Variants in DIP2C observed in about 807,000 individuals in gnomAD.
DIP2C encodes the protein disco-interacting protein 2 homolog C.
Under a neutral mutation model 192.4 loss-of-function variants are expected in DIP2C, and 33 were observed. The ratio of observed to expected loss-of-function variants is 0.17; its 90% confidence interval spans 0.13 to 0.23. DIP2C has a LOEUF of 0.23. Among genes scored for constraint, DIP2C ranks in the 10% least tolerant of loss-of-function variants. DIP2C has a pLI of 1.00. For missense variants in DIP2C, 1,537 were observed against 2,110.1 expected, an observed-to-expected ratio of 0.73 and a Z score of 5.32; for synonymous variants, 979 against 864.1, an observed-to-expected ratio of 1.13 and a Z score of -2.33.
chr10:373,526 AAG>A (rs764903210), intron 17 of DIP2C, among the ~76,000 whole-genome samples: 3 of 152,182 alleles, frequency 2.0e-5, no homozygotes, highest in Non-Finnish European at 4.4e-5. Context: ...GACATAATGT[AAG>A]AGTCTCAGAA....
Position 573,707 on chromosome 10 carries a change from CTT to C in DIP2C, c.86-87179_86-87178del, listed in dbSNP as rs574697446. 2.6e-5 allele frequency among the ~76,000 whole-genome samples: 4 copies of C among 151,008 alleles called. No individual in the cohort carries two copies. The South Asian group carries it at 6.3e-4, about 24-fold the overall frequency. ...TTACAGGCATGAGCCATCACGCCGG[CTT>C]TTTTTTTCCTCTTTTCTTTTTAAGT... On this transcript the variant is annotated intron_variant, in intron 1 of 36. Coordinates refer to ENST00000280886, the MANE Select transcript of DIP2C (RefSeq NM_014974.3).
At chr10:653,441 CTT>C (rs1466252976) in intron 1 of DIP2C, among the ~76,000 whole-genome samples, 1 of 152,152 alleles carries the variant, frequency 6.6e-6, no homozygotes, top group Admixed American at 6.5e-5. Flanking sequence ...GAGCGAGACT[CTT>C]GTTTCAAAAA....
At chr10:351,258 G>A (rs907932031) in intron 24 of DIP2C, among the ~76,000 whole-genome samples, 1 of 152,204 alleles carries the variant, frequency 6.6e-6, no homozygotes, top group African/African-American at 2.4e-5. Context: ...CAGCTCGAAG[G>A]GCCCGTGTCA....
At chr10:419,949 T>C (rs972449997) in intron 5 of DIP2C, among the ~76,000 whole-genome samples, 4 of 152,142 alleles carry the variant, frequency 2.6e-5, no homozygotes, top group African/African-American at 9.7e-5. Flanking sequence ...ATTTAATGAA[T>C]AACGCATTGA....
At chr10:314,116 C>T (rs1400927457) in intron 31 of DIP2C, among the ~76,000 whole-genome samples, 1 of 152,156 alleles carries the variant, frequency 6.6e-6, no homozygotes, top group Non-Finnish European at 1.5e-5. Context: ...GAAAATGACA[C>T]AAAATTTGAC....
intron 29 of DIP2C, among the ~76,000 whole-genome samples, chr10:334,716 T>C (rs1957673581): frequency 6.6e-6 from 1 of 152,240 alleles, no homozygotes; most frequent in Non-Finnish European, 1.5e-5. Context: ...CGGGTAACTC[T>C]ATTAAAAAAT....
intron 1 of DIP2C, among the ~76,000 whole-genome samples, chr10:554,977 A>T (rs1848766340): frequency 6.6e-6 from 1 of 152,192 alleles, no homozygotes; most frequent in South Asian, 2.1e-4. Context: ...ACTTTTGTAT[A>T]TGGAGTCTCA....
chr10:619,517 G>GGCCAGA (rs1554757126), intron 1 of DIP2C, among the ~76,000 whole-genome samples: 6 of 107,036 alleles, frequency 5.6e-5, no homozygotes, highest in African/African-American at 3.9e-4. Context: ...TTTATGCCAG[G>GGCCAGA]GCCAGGACCA....
chr10:638,128 GAAC>G (rs1363203168), intron 1 of DIP2C, among the ~76,000 whole-genome samples: 1 of 152,154 alleles, frequency 6.6e-6, no homozygotes, highest in Non-Finnish European at 1.5e-5. Context: ...CCGAGTCTGA[GAAC>G]ATGTTCTCAA....
intron 1 of DIP2C, among the ~76,000 whole-genome samples, chr10:585,451 T>A (rs1309624301): frequency 1.3e-5 from 2 of 152,186 alleles, no homozygotes; most frequent in Non-Finnish European, 2.9e-5. Flanking sequence ...GCGCTTTTAA[T>A]AATCCCAGAG....
chr10:307,574 G>A (rs1049565319), intron 32 of DIP2C, among the ~76,000 whole-genome samples: 9 of 152,120 alleles, frequency 5.9e-5, no homozygotes, highest in African/African-American at 2.2e-4. Context: ...CTGGGACGCC[G>A]CTGAGATTCT....
At chr10:655,969 A>G (rs1856275372) in intron 1 of DIP2C, among the ~76,000 whole-genome samples, 1 of 152,030 alleles carries the variant, frequency 6.6e-6, no homozygotes, top group South Asian at 2.1e-4. Context: ...ATATAACGCT[A>G]TACTATTTGT....
intron 7 of DIP2C, among the ~76,000 whole-genome samples, chr10:414,434 T>A (rs1217489515): frequency 6.6e-6 from 1 of 152,174 alleles, no homozygotes; most frequent in East Asian, 1.9e-4. Context: ...GAAATTTCCA[T>A]TACCAACATC....
intron 1 of DIP2C, among the ~76,000 whole-genome samples, chr10:553,151 G>A (rs1224360096): frequency 6.6e-6 from 1 of 152,228 alleles, no homozygotes; most frequent in Non-Finnish European, 1.5e-5. Context: ...AGGCCAGGCA[G>A]CATCCCCACA....
intron 1 of DIP2C, among the ~76,000 whole-genome samples, chr10:686,959 T>C (rs916168962): frequency 2.0e-5 from 3 of 152,248 alleles, no homozygotes; most frequent in African/African-American, 7.2e-5. Flanking sequence ...TGTTATGTGC[T>C]TAAAACGGAA....
chr10:378,971 T>C (rs1278125539), intron 17 of DIP2C, among the ~76,000 whole-genome samples: 2 of 152,238 alleles, frequency 1.3e-5, no homozygotes, highest in East Asian at 1.9e-4. Context: ...CTCCGACTCA[T>C]GTTTTTAAAG....
chr10:492,988 G>A (rs372707918), intron 1 of DIP2C, among the ~76,000 whole-genome samples: 9 of 152,350 alleles, frequency 5.9e-5, no homozygotes, highest in East Asian at 5.8e-4. Flanking sequence ...GAATGCCGAT[G>A]GAATTTTTTA....
intron 1 of DIP2C, among the ~76,000 whole-genome samples, chr10:562,110 A>T (rs1425604929): frequency 6.6e-6 from 1 of 152,190 alleles, no homozygotes; most frequent in South Asian, 2.1e-4. Context: ...TGCTACTCCA[A>T]AGGCTTTTTG....
chr10:619,488 G>T (rs144914508), intron 1 of DIP2C, among the ~76,000 whole-genome samples: 1,588 of 151,484 alleles, frequency 0.01, 33 homozygotes, highest in African/African-American at 0.036. Flanking sequence ...GGAAGACGCA[G>T]AATATCGGGA....
Sources: gnomAD v4.1 joint callset for allele counts (sites outside exome capture counted in the v4.1 genomes callset) on GRCh38, gnomAD v4.1.1 for gene constraint, MANE v1.5 for transcripts, NCBI Gene and HGNC (gene_info 2026-07-23, HGNC 2026-07-21) for gene names.